IPO11: variants seen among roughly 807,000 people sequenced by gnomAD.
IPO11 encodes the protein importin 11, also known as importin-11.
A neutral mutation model predicts 143.2 loss-of-function variants in IPO11; 66 were observed. The observed-to-expected ratio is 0.46, with a 90% confidence interval of 0.38 to 0.57. IPO11 has a LOEUF of 0.57. IPO11 is among the 20% of genes least tolerant of loss of function. The pLI is 0.00. For missense variants in IPO11, 1,026 were observed against 1,141.0 expected, an observed-to-expected ratio of 0.90 and a Z score of 1.45; for synonymous variants, 385 against 377.8, an observed-to-expected ratio of 1.02 and a Z score of -0.22.
intron 27 of IPO11, among the ~76,000 whole-genome samples, chr5:62,572,698 C>T (rs1003062539): frequency 6.6e-6 from 1 of 151,554 alleles, no homozygotes; most frequent in African/African-American, 2.4e-5. Flanking sequence ...TCTCACACCT[C>T]AGCCTCCCAA....
chr5:62,532,550 G>T (rs1036768580), intron 22 of IPO11, among the ~76,000 whole-genome samples: 1 of 151,966 alleles, frequency 6.6e-6, no homozygotes, highest in Non-Finnish European at 1.5e-5. Context: ...TAGTGATGGG[G>T]TTTCACCATG....
At chr5:62,490,256 TTTACC>T in intron 15 of IPO11, 36 bp downstream of exon 15, 1 of 1,303,768 alleles carries the variant, frequency 7.7e-7, no homozygotes. Flanking sequence ...ATACACTTAC[TTTACC>T]TTATTTATTT....
At chr5:62,546,041 A>G (rs1207700347) in intron 24 of IPO11, among the ~76,000 whole-genome samples, 2 of 152,192 alleles carry the variant, frequency 1.3e-5, no homozygotes, top group Non-Finnish European at 2.9e-5. Context: ...ACAGTGTGGC[A>G]ATTCCTCAAG....
At chr5:62,462,022 C>CTTAA (rs1371425040) in intron 5 of IPO11, among the ~76,000 whole-genome samples, 1 of 152,088 alleles carries the variant, frequency 6.6e-6, no homozygotes, top group Non-Finnish European at 1.5e-5. Flanking sequence ...TTAAGTATTA[C>CTTAA]TTTCTAGGGA....
intron 20 of IPO11, among the ~76,000 whole-genome samples, chr5:62,520,702 C>T (rs146616507): frequency 6.6e-6 from 1 of 152,192 alleles, no homozygotes; most frequent in Non-Finnish European, 1.5e-5. Context: ...AGGATGGCTG[C>T]GTAGTATTAC....
chr5:62,573,057 T>A (rs1019901680), intron 27 of IPO11, among the ~76,000 whole-genome samples: 2 of 151,076 alleles, frequency 1.3e-5, no homozygotes, highest in South Asian at 4.2e-4. Flanking sequence ...AGCTTTACTG[T>A]TTTTTTTGAG....
chr5:62,534,624 C>T (rs1202707950), intron 22 of IPO11, among the ~76,000 whole-genome samples: 3 of 152,120 alleles, frequency 2.0e-5, no homozygotes. Context: ...AAAAGAAAAA[C>T]CTAGTCACTT....
intron 1 of IPO11, among the ~76,000 whole-genome samples, chr5:62,424,022 C>G (rs1272852996): frequency 6.6e-6 from 1 of 152,076 alleles, no homozygotes; most frequent in African/African-American, 2.4e-5. Flanking sequence ...GGCTATAGAT[C>G]ATGATTTTTT....
chr5:62,517,795 A>G (rs1162964131), intron 20 of IPO11, among the ~76,000 whole-genome samples: 1 of 152,124 alleles, frequency 6.6e-6, no homozygotes. Context: ...GTGTTACTTC[A>G]AGTAGTCTCA....
At chr5:62,581,825 G>A (rs1255193990) in intron 27 of IPO11, among the ~76,000 whole-genome samples, 1 of 152,194 alleles carries the variant, frequency 6.6e-6, no homozygotes, top group Non-Finnish European at 1.5e-5. Flanking sequence ...GCGATGATAA[G>A]TACTGTACTT....
intron 29 of IPO11, among the ~76,000 whole-genome samples, chr5:62,606,506 A>AG (rs1745723658): frequency 6.8e-6 from 1 of 147,922 alleles, no homozygotes; most frequent in Non-Finnish European, 1.5e-5. Flanking sequence ...AAAAAAAAAA[A>AG]GGAGAACCCT....
intron 22 of IPO11, 120 bp from the exon 23 acceptor site, chr5:62,536,582 C>CT: frequency 1.7e-6 from 2 of 1,166,154 alleles, no homozygotes; most frequent in Non-Finnish European, 2.3e-6. Flanking sequence ...CTTGATAGTA[C>CT]TCGGAAGAGG....
chr5:62,577,421 T>C (rs1744355198), intron 27 of IPO11, among the ~76,000 whole-genome samples: 1 of 152,200 alleles, frequency 6.6e-6, no homozygotes, highest in East Asian at 1.9e-4. Flanking sequence ...TATATTACTT[T>C]GTGGGTTTTT....
intron 12 of IPO11, among the ~76,000 whole-genome samples, chr5:62,486,530 G>A (rs898144371): frequency 6.6e-6 from 1 of 151,988 alleles, no homozygotes; most frequent in Non-Finnish European, 1.5e-5. Flanking sequence ...CTTTTACAAC[G>A]CATTTATTAA....
chr5:62,619,681 A>C (rs1019503138), intron 29 of IPO11, among the ~76,000 whole-genome samples: 1 of 151,926 alleles, frequency 6.6e-6, no homozygotes, highest in Non-Finnish European at 1.5e-5. Flanking sequence ...GTGAAACCCT[A>C]TCTCTACTAA....
At chr5:62,536,433 T>C (rs1183113589) in intron 22 of IPO11, among the ~76,000 whole-genome samples, 1 of 116,054 alleles carries the variant, frequency 8.6e-6, no homozygotes, top group Admixed American at 8.1e-5. Flanking sequence ...ATTCATTCAT[T>C]CATTCATTCA....
chr5:62,505,129 A>G (rs941048144), intron 18 of IPO11, among the ~76,000 whole-genome samples: 2 of 151,942 alleles, frequency 1.3e-5, no homozygotes, highest in African/African-American at 4.8e-5. Context: ...CAATTTTGTC[A>G]TCTGTGTTGA....
At chr5:62,506,166 C>G in intron 18 of IPO11, 75 bp from the exon 19 acceptor site, 1 of 724,408 alleles carries the variant, frequency 1.4e-6, no homozygotes, top group Admixed American at 2.5e-5. Context: ...TTATTTCTTA[C>G]TTCTGTTCGT....
chr5:62,578,784 C>T (rs1442729841), intron 27 of IPO11: 3 of 375,114 alleles, frequency 8.0e-6, no homozygotes, highest in Non-Finnish European at 1.1e-5. Context: ...CCTGAGCAAA[C>T]GGTGACTTAA....
Sources: allele counts gnomAD v4.1 joint callset (sites outside exome capture counted in the v4.1 genomes callset), GRCh38; gene constraint gnomAD v4.1.1; transcripts MANE v1.5; gene names NCBI Gene and HGNC (gene_info 2026-07-23, HGNC 2026-07-21).